Variants in PCDHGA4 observed in about 807,000 individuals in gnomAD.
PCDHGA4 encodes protocadherin gamma-A4.
PCDHGA4 carries 38 observed loss-of-function variants against 54.6 expected under a neutral mutation model. The observed-to-expected ratio is 0.70, with a 90% CI of 0.54 to 0.91. PCDHGA4 has a LOEUF of 0.91. PCDHGA4 is among the 40% of genes least tolerant of loss of function. The probability of loss-of-function intolerance (pLI) is 0.00; values close to 1 mark genes in which losing one functional copy is unlikely to be tolerated. For missense variants in PCDHGA4, 1,298 were observed against 1,220.9 expected (o/e 1.06, Z -0.94); for synonymous variants, 511 against 512.9 (o/e 1.00, Z 0.05).
chr5:141,360,535 A>G lies in PCDHGA4; in HGVS notation c.2514+2914A>G, dbSNP rs376637010. ...TATAAATGATAATACCCCGCTATTC[A>G]AACAGACTAAGATTAATTTAAAAAT... On this transcript the variant is annotated intron_variant, in intron 1 of 3. Coordinates refer to ENST00000571252, the MANE Select transcript of PCDHGA4 (RefSeq NM_018917.4). 1.9e-6 allele frequency: 3 copies of G among 1,613,976 alleles called. No homozygotes were observed. The South Asian group carries it at 3.3e-5, about 18-fold the overall frequency.
intron 1 of PCDHGA4, among the ~76,000 whole-genome samples, chr5:141,452,745 G>A (rs1246578948): frequency 6.6e-6 from 1 of 152,054 alleles, no homozygotes; most frequent in African/African-American, 2.4e-5. Flanking sequence ...AGAGAGAGAA[G>A]GAAGAAGGAA....
rs776773140 is a variant in PCDHGA4, at chr5:141,476,589, G to T, written c.2515-18218G>T. The T allele has an allele frequency of 6.2e-7, 1 of 1,614,246 alleles. No individual in the cohort carries two copies. Among genetic ancestry groups the T allele is most frequent in the South Asian group, 1.1e-5 (1 of 91,090 alleles). On this transcript the variant is annotated intron_variant, in intron 1 of 3. Coordinates refer to ENST00000571252, the MANE Select transcript of PCDHGA4 (RefSeq NM_018917.4). This position sits in a 1 kb window ranked among gnomAD's most constrained non-coding sequence, Gnocchi z 7.6. ...CCGGGGACGCGCTTTCCGCTCGAGA[G>T]CGCGCACGATCCCGATGTGGGAAGC...
Position 141,360,726 on chromosome 5 carries a change from A to G in PCDHGA4, c.2514+3105A>G, listed in dbSNP as rs546905813. On this transcript the variant is annotated intron_variant, in intron 1 of 3. Coordinates refer to ENST00000571252, the MANE Select transcript of PCDHGA4 (RefSeq NM_018917.4). ...GTAAATATCCTGAGTTGATTCTAAA[A>G]CACTCTCTGGACAGAGAAGAGCACA... The G allele has an allele frequency of 1.6e-5, 26 of 1,613,970 alleles. No individual in the cohort carries two copies. In the Admixed American group the frequency reaches 4.3e-4, roughly 27 times the overall value.
chr5:141,507,097 A>G (rs1343795018), intron 3 of PCDHGA4: 1 of 152,082 alleles, frequency 6.6e-6, no homozygotes, highest in African/African-American at 2.4e-5. Flanking sequence ...TGCTCTTTCT[A>G]CTATAGGGAC....
intron 2 of PCDHGA4, among the ~76,000 whole-genome samples, chr5:141,498,710 T>C (rs2099785302): frequency 1.3e-5 from 2 of 152,108 alleles, no homozygotes. Flanking sequence ...GGTGGGTGGA[T>C]CACCTGAGGT....
intron 1 of PCDHGA4, chr5:141,360,593 C>T (rs1007653206): frequency 6.2e-7 from 1 of 1,613,930 alleles, no homozygotes; most frequent in Non-Finnish European, 8.5e-7. Context: ...ACAACATTTC[C>T]ACTTGACCCA....
chr5:141,394,128 G>T, intron 1 of PCDHGA4: 10 of 1,613,730 alleles, frequency 6.2e-6, no homozygotes, highest in Non-Finnish European at 5.9e-6. Context: ...AACTCAAATC[G>T]CTCTGCACGT....
chr5:141,393,789 G>C lies in PCDHGA4; in HGVS notation c.2514+36168G>C, dbSNP rs889575374. On this transcript the variant is annotated intron_variant, in intron 1 of 3. Transcript: ENST00000571252. ...GGAAATACAAGCCGAAGATGTGGGGGCACTTCTGGGGAGGACCAAATTGCT... is the reference window on the plus strand; with the variant it reads ...GGAAATACAAGCCGAAGATGTGGGGCCACTTCTGGGGAGGACCAAATTGCT... The C allele has an allele frequency of 1.9e-6, 3 of 1,613,840 alleles. No homozygotes were observed. The African/African-American group carries it at 4.0e-5, about 22-fold the overall frequency.
chr5:141,362,642 T>A, intron 1 of PCDHGA4: 1 of 1,462,416 alleles, frequency 6.8e-7, no homozygotes, highest in African/African-American at 1.4e-5. Context: ...TTTCTTTGTC[T>A]GTGAGTTAGA....
In PCDHGA4 at chr5:141,357,073, G is replaced by A. The variant is rs771776855; in HGVS notation, c.1966G>A (p.Glu656Lys). 43 of 1,613,956 alleles carry A rather than the reference G, an allele frequency of 2.7e-5. No homozygotes were observed. Among genetic ancestry groups the A allele is most frequent in the Non-Finnish European group, 3.6e-5 (42 of 1,179,974 alleles). ...ATTTGCAGTGGGGCTGCACACAGGC[G>A]AGGTGCGCACCGCACGGGCCCTGCT... ...GLFAVGLHTG[E>K]VRTARALLDR... The change falls in exon 1 of 4, where the codon GAG (glutamate) becomes AAG (lysine). Residue 656 changes from glutamate (E) to lysine (K), a missense_variant. Transcript: ENST00000571252.
At chr5:141,367,105 T>G (rs1303290494) in intron 1 of PCDHGA4, 2 of 234,148 alleles carry the variant, frequency 8.5e-6, no homozygotes, top group East Asian at 2.4e-4. Flanking sequence ...AGTGTCTGCC[T>G]AGACACCATT....
At chr5:141,360,876 C>G in intron 1 of PCDHGA4, 1 of 1,614,008 alleles carries the variant, frequency 6.2e-7, no homozygotes, top group Middle Eastern at 1.7e-4. Context: ...AGGACGTGTA[C>G]AGGGTCACCC....
At position 141,485,685 on chromosome 5, in the gene PCDHGA4, G is replaced by A; in HGVS notation, c.2515-9122G>A. ...GGGAGCAATTCGATTAGCAGCTATA[G>A]GCTGAGCTCCAATGAACACTTTGCA... On this transcript the variant is annotated intron_variant, in intron 1 of 3. Coordinates refer to ENST00000571252, the MANE Select transcript of PCDHGA4 (RefSeq NM_018917.4). This position sits in a 1 kb window ranked among gnomAD's most constrained non-coding sequence, Gnocchi z 5.7. 1.2e-6 allele frequency: 2 copies of A among 1,614,052 alleles called. No homozygotes were observed. The highest frequency in any genetic ancestry group is 1.3e-5 in the African/African-American group (1 of 75,072).
chr5:141,402,954 T>C, intron 1 of PCDHGA4: 3 of 1,601,320 alleles, frequency 1.9e-6, no homozygotes, highest in Non-Finnish European at 2.6e-6. Context: ...GAGGCAGCAA[T>C]GGCAGCTCCA....
At chr5:141,409,546 C>G in intron 1 of PCDHGA4, 1 of 1,613,998 alleles carries the variant, frequency 6.2e-7, no homozygotes, top group Non-Finnish European at 8.5e-7. Flanking sequence ...TCAACGACAA[C>G]GCCCCAGTTT....
At position 141,384,552 on chromosome 5, in the gene PCDHGA4, C is replaced by A. The variant is rs752995629; in HGVS notation, c.2514+26931C>A. ...GCAGCAACATGTCACTGAGCCTGTTCGTGCTGGACCAGAATGACAACCCGC... is the reference window on the plus strand; with the variant it reads ...GCAGCAACATGTCACTGAGCCTGTTAGTGCTGGACCAGAATGACAACCCGC... On this transcript the variant is annotated intron_variant, in intron 1 of 3. Transcript: ENST00000571252. 1.4e-5 allele frequency: 22 copies of A among 1,614,148 alleles called. No individual in the cohort carries two copies. In the Admixed American group the frequency reaches 3.0e-4, roughly 22 times the overall value.
In PCDHGA4 at chr5:141,398,847, G is replaced by A. The variant is rs773663002; in HGVS notation, c.2514+41226G>A. On this transcript the variant is annotated intron_variant, in intron 1 of 3. Coordinates refer to ENST00000571252, the MANE Select transcript of PCDHGA4 (RefSeq NM_018917.4). Reference sequence around the variant, plus strand: ...TAACCGACGCCAATGATAATCCCCCGGTATTCAACCGAGACGTGTACAGAG... The same window carrying A: ...TAACCGACGCCAATGATAATCCCCCAGTATTCAACCGAGACGTGTACAGAG... The A allele has an allele frequency of 2.5e-6, 4 of 1,613,758 alleles. No homozygotes were observed. In the African/African-American group the frequency reaches 5.3e-5, roughly 22 times the overall value.
At chr5:141,374,231 A>T (rs1335997807) in intron 1 of PCDHGA4, 1 of 1,613,834 alleles carries the variant, frequency 6.2e-7, no homozygotes, top group East Asian at 2.2e-5. Flanking sequence ...CAACATCGTC[A>T]AGGATCTGGG....
intron 1 of PCDHGA4, among the ~76,000 whole-genome samples, chr5:141,358,427 A>G (rs1311834946): frequency 1.3e-5 from 2 of 152,186 alleles, no homozygotes; most frequent in Admixed American, 6.5e-5. Flanking sequence ...GGTATTTTCC[A>G]TTATAACAGG....
Sources: allele counts gnomAD v4.1 joint callset (sites outside exome capture counted in the v4.1 genomes callset), GRCh38; gene constraint gnomAD v4.1.1; non-coding constraint Gnocchi (gnomAD v3.1); transcripts MANE v1.5; gene names NCBI Gene and HGNC (gene_info 2026-07-23, HGNC 2026-07-21).